PLEKHM3: variants seen among roughly 807,000 people sequenced by gnomAD.
PLEKHM3 encodes the protein pleckstrin homology domain containing M3.
PLEKHM3 carries 45 observed loss-of-function variants against 81.8 expected under a neutral mutation model. That is an observed-to-expected ratio of 0.55 (90% CI 0.43 to 0.71). PLEKHM3 has a LOEUF of 0.71. Ranked by LOEUF, PLEKHM3 falls within the 30% of genes least tolerant of loss-of-function variation. The pLI, the probability that PLEKHM3 is intolerant of heterozygous loss-of-function variation, is 0.00. For missense variants in PLEKHM3, 788 were observed against 924.3 expected (o/e 0.85, Z 1.91); for synonymous variants, 352 against 356.4 (o/e 0.99, Z 0.14).
intron 3 of PLEKHM3, among the ~76,000 whole-genome samples, chr2:207,955,772 G>A (rs961385427): frequency 1.3e-5 from 2 of 152,100 alleles, no homozygotes. Flanking sequence ...GACAAAACAA[G>A]GACAAAAACT....
intron 2 of PLEKHM3, among the ~76,000 whole-genome samples, chr2:207,992,547 T>C (rs932757415): frequency 6.6e-6 from 1 of 152,210 alleles, no homozygotes; most frequent in Non-Finnish European, 1.5e-5. Context: ...GTCCTGATTT[T>C]TAAGCACCAA....
intron 2 of PLEKHM3, among the ~76,000 whole-genome samples, chr2:207,992,312 T>G (rs920635504): frequency 1.3e-5 from 2 of 152,204 alleles, no homozygotes; most frequent in Non-Finnish European, 2.9e-5. Flanking sequence ...ATTTGTAGAA[T>G]CAGGATAATA....
intron 5 of PLEKHM3, among the ~76,000 whole-genome samples, chr2:207,916,302 T>C (rs1688990684): frequency 6.6e-6 from 1 of 152,182 alleles, no homozygotes; most frequent in African/African-American, 2.4e-5. Context: ...TAATTTTAAT[T>C]GTGAGTATTG....
chr2:208,012,739 C>T (rs749872427), intron 1 of PLEKHM3, among the ~76,000 whole-genome samples: 4 of 152,258 alleles, frequency 2.6e-5, no homozygotes, highest in Non-Finnish European at 5.9e-5. Flanking sequence ...CCCTTCTTAT[C>T]TGCAAATGGA....
In PLEKHM3 at chr2:208,025,496, G is replaced by A. The variant is rs1266381415; in HGVS notation, c.-426C>T. On this transcript the variant is annotated 5_prime_UTR_variant, in exon 1 of 8. Coordinates refer to ENST00000427836, the MANE Select transcript of PLEKHM3 (RefSeq NM_001080475.3). ...CCGCCTCACGGTGACAGCCCGCCCGGGCGCTGACCATCCCGGCCCGGCTCT... is the reference window on the plus strand; with the variant it reads ...CCGCCTCACGGTGACAGCCCGCCCGAGCGCTGACCATCCCGGCCCGGCTCT... 1 of 152,388 alleles carries A rather than the reference G, an allele frequency of 6.6e-6. No homozygotes were observed. The highest frequency in any genetic ancestry group is 2.4e-5 in the African/African-American group (1 of 41,458). 9.4% of individuals were successfully genotyped at this position (152,388 alleles called of 1,614,324 possible).
At chr2:207,845,334 A>C (rs2092376638) in intron 7 of PLEKHM3, among the ~76,000 whole-genome samples, 1 of 152,212 alleles carries the variant, frequency 6.6e-6, no homozygotes, top group South Asian at 2.1e-4. Context: ...AAAACAGTTC[A>C]TTTCAGAACA....
chr2:207,947,421 T>C (rs1690171639), intron 3 of PLEKHM3, among the ~76,000 whole-genome samples: 1 of 152,218 alleles, frequency 6.6e-6, no homozygotes, highest in Non-Finnish European at 1.5e-5. Context: ...AGCCCTTCCA[T>C]AGGGAAGCCA....
rs1279247488 is a variant in PLEKHM3 at position 207,825,298 on chromosome 2, T to C, written c.*3021A>G. The C allele has an allele frequency of 1.3e-5, 2 of 152,198 alleles. No individual in the cohort carries two copies. The highest frequency in any genetic ancestry group is 2.9e-5 in the Non-Finnish European group (2 of 68,042). The allele number at this position is 152,198 out of a possible 1,614,324, so 9.4% of individuals were successfully genotyped here. On this transcript the variant is annotated 3_prime_UTR_variant, in exon 8 of 8. Coordinates refer to ENST00000427836, the MANE Select transcript of PLEKHM3 (RefSeq NM_001080475.3). ...GTTTCTGGCACTTTTAGGAGGGATT[T>C]CCTCAAGTGATACACTAGGGAATGA...
rs1326141804 is a variant in PLEKHM3 at position 207,902,624 on chromosome 2, T to C, written c.1950+5890A>G. On this transcript the variant is annotated intron_variant, in intron 6 of 7. Transcript: ENST00000427836. Reference sequence around the variant, plus strand: ...TACAACACTAAACAACTCCCCATTATTCTGACATAAGCAGAGATTTTTATT... The same window carrying C: ...TACAACACTAAACAACTCCCCATTACTCTGACATAAGCAGAGATTTTTATT... Among the ~76,000 whole-genome samples, 3 of 152,236 alleles carry C rather than the reference T, an allele frequency of 2.0e-5. No homozygotes were observed. The East Asian group carries it at 5.8e-4, about 29-fold the overall frequency.
intron 6 of PLEKHM3, among the ~76,000 whole-genome samples, chr2:207,867,878 G>A (rs2092510420): frequency 1.3e-5 from 2 of 152,228 alleles, no homozygotes; most frequent in South Asian, 4.1e-4. Flanking sequence ...GGAAGGCAGA[G>A]TGGCCTCAAA....
At chr2:207,998,968 C>T (rs1692205404) in intron 2 of PLEKHM3, among the ~76,000 whole-genome samples, 1 of 152,054 alleles carries the variant, frequency 6.6e-6, no homozygotes, top group Non-Finnish European at 1.5e-5. Context: ...ACTGGGCTTA[C>T]AGCAACTTGT....
chr2:207,900,077 A>G (rs983055013), intron 6 of PLEKHM3: 2 of 152,148 alleles, frequency 1.3e-5, no homozygotes, highest in Non-Finnish European at 2.9e-5. Context: ...GGGCTCACAC[A>G]TTTTGTCGGT....
chr2:207,993,663 A>G (rs1691975709), intron 2 of PLEKHM3, among the ~76,000 whole-genome samples: 1 of 152,072 alleles, frequency 6.6e-6, no homozygotes, highest in African/African-American at 2.4e-5. Context: ...AAATACAGGC[A>G]TAGGAATGGT....
At position 208,001,774 on chromosome 2, in the gene PLEKHM3, G is replaced by A. The variant is rs530471036; in HGVS notation, c.-135C>T. On this transcript the variant is annotated 5_prime_UTR_variant, in exon 2 of 8. Transcript: ENST00000427836. Reference sequence around the variant, plus strand: ...GGAAGAAACCTTCATTGGGCTCCCTGGAGCAGGCCAAACCCAAAGTGGTTG... The same window carrying A: ...GGAAGAAACCTTCATTGGGCTCCCTAGAGCAGGCCAAACCCAAAGTGGTTG... 3.3e-5 allele frequency: 47 copies of A among 1,436,086 alleles called. No homozygotes were observed. The Admixed American group carries it at 5.0e-4, about 15-fold the overall frequency. The allele number at this position is 1,436,086 out of a possible 1,614,324, so 89.0% of individuals were successfully genotyped here.
At chr2:207,929,281 C>G (rs1048463092) in intron 5 of PLEKHM3, among the ~76,000 whole-genome samples, 6 of 152,174 alleles carry the variant, frequency 3.9e-5, no homozygotes, top group Admixed American at 3.9e-4. Flanking sequence ...TGGTAAACCA[C>G]CAGACTGCTG....
rs917309573 is a variant in PLEKHM3 at position 207,824,341 on chromosome 2, C to T, written c.*3978G>A. 3 of 152,322 alleles carry T rather than the reference C, an allele frequency of 2.0e-5. No homozygotes were observed. The highest frequency in any genetic ancestry group is 2.9e-5 in the Non-Finnish European group (2 of 68,036). 9.4% of individuals were successfully genotyped at this position (152,322 alleles called of 1,614,324 possible). A position where few individuals can be genotyped will look rare whatever the true frequency, so the allele number is the denominator to read the frequency against. On this transcript the variant is annotated 3_prime_UTR_variant, in exon 8 of 8. Transcript: ENST00000427836. ...TAGGAGAAGTAAAAAAATAAAACAA[C>T]CCCTGTGTTGAAACCAGGCAGTATT...
intron 5 of PLEKHM3, among the ~76,000 whole-genome samples, chr2:207,909,186 A>G (rs115454057): frequency 0.013 from 1,914 of 152,328 alleles, 17 homozygotes; most frequent in Non-Finnish European, 0.021. Flanking sequence ...ATGGGACAAG[A>G]TATTTTAAAT....
intron 6 of PLEKHM3, among the ~76,000 whole-genome samples, chr2:207,875,306 A>G (rs548486820): frequency 1.3e-5 from 2 of 152,338 alleles, no homozygotes; most frequent in Admixed American, 6.5e-5. Context: ...AAGATGCTCA[A>G]CTTTACTTCT....
intron 1 of PLEKHM3, among the ~76,000 whole-genome samples, chr2:208,019,035 C>T (rs1401827428): frequency 6.6e-6 from 1 of 151,686 alleles, no homozygotes; most frequent in Non-Finnish European, 1.5e-5. Flanking sequence ...TGTGGTGGCT[C>T]ACACCTGTAA....
Sources: gnomAD v4.1 joint callset for allele counts (sites outside exome capture counted in the v4.1 genomes callset) on GRCh38, gnomAD v4.1.1 for gene constraint, MANE v1.5 for transcripts, NCBI Gene and HGNC (gene_info 2026-07-23, HGNC 2026-07-21) for gene names.